Variants in UFSP2 observed in about 807,000 individuals in gnomAD.
UFSP2 encodes ufm1-specific protease 2.
In UFSP2, 43 loss-of-function variants were observed where a neutral mutation model predicts 60.2. The ratio of observed to expected loss-of-function variants is 0.71; its 90% CI spans 0.56 to 0.92. The LOEUF (loss-of-function observed/expected upper bound fraction) is 0.92. UFSP2 is among the 40% of genes least tolerant of loss of function. UFSP2 has a pLI of 0.00. For missense variants in UFSP2, 520 were observed against 575.0 expected (o/e 0.90, Z 0.98); for synonymous variants, 183 against 195.1 (o/e 0.94, Z 0.52).
At chr4:185,401,484 G>T (rs946057993) in intron 11 of UFSP2, among the ~76,000 whole-genome samples, 1 of 152,142 alleles carries the variant, frequency 6.6e-6, no homozygotes, top group East Asian at 1.9e-4. Context: ...AGGAGAAATT[G>T]GTAGAGAGGG....
chr4:185,403,884 T>C (rs886708367), intron 10 of UFSP2, among the ~76,000 whole-genome samples: 4 of 140,934 alleles, frequency 2.8e-5, no homozygotes, highest in Non-Finnish European at 4.5e-5. Context: ...GGCAGGAGAA[T>C]GGCATGAACC....
At chr4:185,419,332 A>G (rs1050658863) in intron 2 of UFSP2, among the ~76,000 whole-genome samples, 16 of 152,040 alleles carry the variant, frequency 1.1e-4, no homozygotes, top group Non-Finnish European at 7.4e-5. Flanking sequence ...GGGTTTCACC[A>G]CGTTAGCCAG....
intron 10 of UFSP2, among the ~76,000 whole-genome samples, chr4:185,404,939 C>T (rs971848120): frequency 1.3e-5 from 2 of 151,840 alleles, no homozygotes; most frequent in African/African-American, 4.8e-5. Context: ...GCGTGAGCTA[C>T]TGGGCCCGGC....
At chr4:185,418,397 G>A in intron 4 of UFSP2, 44 bp downstream of exon 4, 2 of 1,458,640 alleles carry the variant, frequency 1.4e-6, no homozygotes, top group Non-Finnish European at 1.9e-6. Context: ...CAAATCCAAA[G>A]ATTTAACATT....
chr4:185,415,037 A>G (rs1171106736), intron 6 of UFSP2, 118 bp downstream of exon 6: 2 of 870,536 alleles, frequency 2.3e-6, no homozygotes, highest in Admixed American at 3.5e-5. Flanking sequence ...AATAGTCTAA[A>G]TTCCACACTT....
intron 1 of UFSP2, among the ~76,000 whole-genome samples, chr4:185,425,619 C>T (rs2095558358): frequency 6.6e-6 from 1 of 152,252 alleles, no homozygotes; most frequent in Admixed American, 6.5e-5. Context: ...AATACTTTCA[C>T]ACAGAGAAGT....
At chr4:185,422,202 G>A (rs948203990) in intron 2 of UFSP2, among the ~76,000 whole-genome samples, 3 of 152,286 alleles carry the variant, frequency 2.0e-5, no homozygotes, top group South Asian at 2.1e-4. Flanking sequence ...CATTTACAAC[G>A]TGCTCATTGT....
At chr4:185,402,277 T>C in intron 11 of UFSP2, 1 of 454,580 alleles carries the variant, frequency 2.2e-6, no homozygotes, top group South Asian at 1.6e-5. Context: ...AACAAGAATA[T>C]TGCTACTATA....
Position 185,418,322 on chromosome 4 carries a change from T to C in UFSP2, c.333+119A>G. On this transcript the variant is annotated intron_variant, in intron 4 of 11. Coordinates refer to ENST00000264689, the MANE Select transcript of UFSP2 (RefSeq NM_018359.5). ...AACTTTTGGCAAGTCATTTAATCTT[T>C]TTGGACATCAATATTCTGACCTATG... is the stretch of plus-strand genomic sequence containing the variant. 4 of 730,222 alleles carry C rather than the reference T, an allele frequency of 5.5e-6. 1 individual carries two copies. The South Asian group carries it at 9.5e-5, about 17-fold the overall frequency. 45.2% of individuals were successfully genotyped at this position (730,222 alleles called of 1,614,324 possible).
At chr4:185,417,990 G>A (rs1580075078) in intron 4 of UFSP2, among the ~76,000 whole-genome samples, 1 of 150,396 alleles carries the variant, frequency 6.6e-6, no homozygotes, top group East Asian at 2.0e-4. Context: ...GTTGCAGTGA[G>A]CCGAGATCGT....
At chr4:185,418,847 T>A in intron 2 of UFSP2, 77 bp from the exon 3 acceptor site, 2 of 1,158,890 alleles carry the variant, frequency 1.7e-6, no homozygotes, top group Non-Finnish European at 2.3e-6. Flanking sequence ...TACACAAAAG[T>A]AGAGCATAGT....
rs1428387677 is a variant in UFSP2 at position 185,408,327 on chromosome 4, A to G, written c.940T>C (p.Phe314Leu). Residue 314 changes from phenylalanine (F) to leucine (L), a missense_variant, in exon 8 of 12, where the codon TTC (phenylalanine) becomes CTC (leucine). Phe to Leu is a conservative substitution (Grantham distance 22). Coordinates refer to ENST00000264689, the MANE Select transcript of UFSP2 (RefSeq NM_018359.5). ...YRSLQTICSW[F>L]KHQGYTERSI... ...CTCTCTGTGTATCCCTGATGTTTGA[A>G]CCAAGAGCAGATAGTCTGCAGAGAT... 6.2e-7 allele frequency: 1 copy of G among 1,614,184 alleles called. No homozygotes were observed. Among genetic ancestry groups the G allele is most frequent in the Non-Finnish European group, 8.5e-7 (1 of 1,180,020 alleles).
chr4:185,424,557 C>T (rs775598745), intron 1 of UFSP2, among the ~76,000 whole-genome samples: 33 of 152,200 alleles, frequency 2.2e-4, no homozygotes, highest in Non-Finnish European at 4.7e-4. Context: ...CAAGAAAGTT[C>T]AGGACAAATT....
chr4:185,425,882 C>CAA lies in UFSP2; in HGVS notation c.-15_-14insTT. 1 of 1,600,682 alleles carries CAA rather than the reference C, an allele frequency of 6.2e-7. No individual in the cohort carries two copies. Among genetic ancestry groups the CAA allele is most frequent in the South Asian group, 1.1e-5 (1 of 89,042 alleles). ...GATACTCACCATGTCCGCGACGTGGCGGTGACACGGGCGCTGACGCCTGCC... is the reference window on the plus strand; with the variant it reads ...GATACTCACCATGTCCGCGACGTGGCAAGGTGACACGGGCGCTGACGCCTGCC... On this transcript the variant is annotated 5_prime_UTR_variant, in exon 1 of 12. Transcript: ENST00000264689.
Position 185,408,455 on chromosome 4 carries a change from A to C in UFSP2, c.832-20T>G, listed in dbSNP as rs2095524058. 1.9e-6 allele frequency: 3 copies of C among 1,606,296 alleles called. No homozygotes were observed. Among genetic ancestry groups the C allele is most frequent in the Non-Finnish European group, 2.6e-6 (3 of 1,174,650 alleles). Reference sequence around the variant, plus strand: ...ATAAATCTATATACAGAGAAGAAACACAGTAAAATATTAACTTAGGATAGA... The same window carrying C: ...ATAAATCTATATACAGAGAAGAAACCCAGTAAAATATTAACTTAGGATAGA... On this transcript the variant is annotated intron_variant, in intron 7 of 11. Coordinates refer to ENST00000264689, the MANE Select transcript of UFSP2 (RefSeq NM_018359.5).
intron 10 of UFSP2, among the ~76,000 whole-genome samples, chr4:185,403,913 C>A (rs900534371): frequency 8.0e-5 from 11 of 137,804 alleles, no homozygotes; most frequent in Middle Eastern, 4.0e-3. Context: ...GGAGCTTGCA[C>A]TGAGCCGAGA....
Position 185,399,843 on chromosome 4 carries a change from C to T in UFSP2, c.*549G>A, listed in dbSNP as rs1580043136. The T allele has an allele frequency of 3.1e-6, 5 of 1,589,828 alleles. No homozygotes were observed. The highest frequency in any genetic ancestry group is 4.3e-6 in the Non-Finnish European group (5 of 1,167,116). On this transcript the variant is annotated 3_prime_UTR_variant, in exon 12 of 12. Coordinates refer to ENST00000264689, the MANE Select transcript of UFSP2 (RefSeq NM_018359.5). ...CTTGTTTGCATAGCATTTATTATTC[C>T]ATTTAATACTGACACTCGTATTTCT...
At chr4:185,401,378 AACAG>A (rs543950633) in intron 11 of UFSP2, among the ~76,000 whole-genome samples, 60 of 152,320 alleles carry the variant, frequency 3.9e-4, no homozygotes, top group South Asian at 1.5e-3. Context: ...CTGTTCTCTT[AACAG>A]ACAGAGAAAA....
chr4:185,417,737 T>C (rs956432655), intron 4 of UFSP2, among the ~76,000 whole-genome samples: 2 of 152,006 alleles, frequency 1.3e-5, no homozygotes, highest in African/African-American at 2.4e-5. Flanking sequence ...TACTCAGTAA[T>C]ATCAGTTCAA....
Sources: gnomAD v4.1 joint callset for allele counts (sites outside exome capture counted in the v4.1 genomes callset) on GRCh38, gnomAD v4.1.1 for gene constraint, MANE v1.5 for transcripts, NCBI Gene and HGNC (gene_info 2026-07-23, HGNC 2026-07-21) for gene names.